The following ZDHHC14 variants were observed in gnomAD, a reference collection of about 807,000 sequenced individuals.
ZDHHC14 encodes the protein palmitoyltransferase ZDHHC14.
In ZDHHC14, 16 loss-of-function variants were observed where a neutral mutation model predicts 47.7. The ratio of observed to expected loss-of-function variants is 0.34; its 90% CI spans 0.23 to 0.51. ZDHHC14 has a LOEUF of 0.51. Among genes scored for constraint, ZDHHC14 ranks in the 20% least tolerant of loss-of-function variants. The probability of loss-of-function intolerance (pLI) is 0.97; values close to 1 mark genes in which losing one functional copy is unlikely to be tolerated. For synonymous variants in ZDHHC14, 293 were observed against 278.9 expected, an observed-to-expected ratio of 1.05 and a Z score of -0.50; for missense variants, 515 against 662.5, an observed-to-expected ratio of 0.78 and a Z score of 2.44.
At chr6:157,528,470 A>G (rs1218906147) in intron 1 of ZDHHC14, among the ~76,000 whole-genome samples, 2 of 151,742 alleles carry the variant, frequency 1.3e-5, no homozygotes, top group South Asian at 2.1e-4. Flanking sequence ...AGTGGCTCAC[A>G]CCTGTAATCC....
intron 7 of ZDHHC14, among the ~76,000 whole-genome samples, chr6:157,648,405 A>C (rs952841194): frequency 6.6e-6 from 1 of 152,210 alleles, no homozygotes; most frequent in African/African-American, 2.4e-5. Flanking sequence ...TATCAGCCTC[A>C]GTGAATCCTC....
chr6:157,607,574 A>G (rs1784590112), intron 3 of ZDHHC14, among the ~76,000 whole-genome samples: 1 of 152,116 alleles, frequency 6.6e-6, no homozygotes, highest in Non-Finnish European at 1.5e-5. Flanking sequence ...AGGATGTTTA[A>G]CCCTTTCATT....
At chr6:157,651,726 G>A (rs983861821) in intron 7 of ZDHHC14, among the ~76,000 whole-genome samples, 18 of 152,076 alleles carry the variant, frequency 1.2e-4, no homozygotes, top group African/African-American at 3.1e-4. Context: ...GTGCCATCAC[G>A]CCTGGCTAAT....
At position 157,672,783 on chromosome 6, in the gene ZDHHC14, C is replaced by T. The variant is rs933561853; in HGVS notation, c.1128C>T (p.Pro376=). The T allele has an allele frequency of 8.7e-6, 14 of 1,612,808 alleles. No homozygotes were observed. The highest frequency in any genetic ancestry group is 2.7e-5 in the African/African-American group (2 of 74,884). The change falls in exon 9 of 9, where the codon CCC becomes CCT. Residue 376 remains proline (P), a synonymous_variant. Coordinates refer to ENST00000359775, the MANE Select transcript of ZDHHC14 (RefSeq NM_024630.3). ...TCGTTTTGCAGGCTGCAGCCACGCC[C>T]CTGCTGCAGAGCGAGCCCAGCCTCA... ...TKFVLQAAAT[P]LLQSEPSLTS... is the part of the protein sequence containing the mutation.
At chr6:157,509,469 A>T (rs1017699662) in intron 1 of ZDHHC14, among the ~76,000 whole-genome samples, 1 of 152,190 alleles carries the variant, frequency 6.6e-6, no homozygotes, top group African/African-American at 2.4e-5. Context: ...GTCCCCATTT[A>T]AAAAATATGA....
At chr6:157,417,718 C>T (rs530919161) in intron 1 of ZDHHC14, among the ~76,000 whole-genome samples, 26 of 152,292 alleles carry the variant, frequency 1.7e-4, no homozygotes, top group African/African-American at 5.8e-4. Flanking sequence ...TGGTGGCTCA[C>T]GCCTGTAATC....
chr6:157,531,889 A>G (rs1781381762), intron 1 of ZDHHC14, among the ~76,000 whole-genome samples: 1 of 152,278 alleles, frequency 6.6e-6, no homozygotes, highest in South Asian at 2.1e-4. Flanking sequence ...TAGCGGTAAC[A>G]TCTGGACTTT....
At chr6:157,489,056 G>C (rs909648603) in intron 1 of ZDHHC14, among the ~76,000 whole-genome samples, 1 of 152,216 alleles carries the variant, frequency 6.6e-6, no homozygotes, top group Admixed American at 6.5e-5. Context: ...TTTTGTACCA[G>C]TAAACGGGCT....
chr6:157,550,880 C>G (rs1322558857), intron 2 of ZDHHC14, among the ~76,000 whole-genome samples: 1 of 152,152 alleles, frequency 6.6e-6, no homozygotes, highest in Non-Finnish European at 1.5e-5. Context: ...TTGACATGCT[C>G]TGCTAAAACA....
At position 157,460,504 on chromosome 6, in the gene ZDHHC14, A is replaced by AGGT. The variant is rs1779053590; in HGVS notation, c.245+78239_245+78241dup. ...CAAAGAGTGCTGTTGATACCCACAT[A>AGGT]GGTATTCTTGAATTCCTATGACAAG... On this transcript the variant is annotated intron_variant, in intron 1 of 8. Transcript: ENST00000359775. Among the ~76,000 whole-genome samples, 3 of 151,322 alleles carry AGGT rather than the reference A, an allele frequency of 2.0e-5. 1 individual carries two copies. The South Asian group carries it at 6.3e-4, about 32-fold the overall frequency.
intron 1 of ZDHHC14, among the ~76,000 whole-genome samples, chr6:157,533,764 G>C (rs1562466212): frequency 1.3e-5 from 2 of 152,226 alleles, no homozygotes; most frequent in African/African-American, 4.8e-5. Context: ...ATGGGCTCAG[G>C]AGGCTGCAAC....
At chr6:157,595,773 C>T (rs182763997) in intron 3 of ZDHHC14, among the ~76,000 whole-genome samples, 61 of 152,254 alleles carry the variant, frequency 4.0e-4, no homozygotes, top group South Asian at 3.7e-3. Flanking sequence ...CAGCCGTGAA[C>T]CTAGGAGCCA....
rs1044273066 is a variant in ZDHHC14 at position 157,678,046 on chromosome 6, A to G, written c.*4924A>G. On this transcript the variant is annotated 3_prime_UTR_variant, in exon 9 of 9. Coordinates refer to ENST00000359775, the MANE Select transcript of ZDHHC14 (RefSeq NM_024630.3). ...CATGTTTTCAGAGATACGTATGCTT[A>G]TTTAAGTGCCTTTCATGTTTTAATC... is the stretch of plus-strand genomic sequence containing the variant. The G allele has an allele frequency of 6.6e-6, 1 of 152,136 alleles. No individual in the cohort carries two copies. The highest frequency in any genetic ancestry group is 2.4e-5 in the African/African-American group (1 of 41,448). 9.4% of individuals were successfully genotyped at this position (152,136 alleles called of 1,614,324 possible).
chr6:157,488,622 T>C (rs1217147457), intron 1 of ZDHHC14, among the ~76,000 whole-genome samples: 1 of 152,128 alleles, frequency 6.6e-6, no homozygotes, highest in Non-Finnish European at 1.5e-5. Flanking sequence ...CAGAGGAGAA[T>C]TGCATTTTCC....
intron 2 of ZDHHC14, among the ~76,000 whole-genome samples, chr6:157,563,953 A>G (rs1475987604): frequency 6.6e-6 from 1 of 152,152 alleles, no homozygotes; most frequent in African/African-American, 2.4e-5. Context: ...CCTAAGGGGG[A>G]ACCCCTGTCT....
intron 1 of ZDHHC14, among the ~76,000 whole-genome samples, chr6:157,437,209 G>A (rs1778458493): frequency 6.6e-6 from 1 of 152,220 alleles, no homozygotes; most frequent in African/African-American, 2.4e-5. Flanking sequence ...TGGGCCTCCT[G>A]GTTCTCAGGT....
chr6:157,526,904 A>G (rs1187345759), intron 1 of ZDHHC14, among the ~76,000 whole-genome samples: 1 of 152,142 alleles, frequency 6.6e-6, no homozygotes, highest in African/African-American at 2.4e-5. Context: ...GAGAGGTTCT[A>G]GGGATGTGGG....
intron 3 of ZDHHC14, among the ~76,000 whole-genome samples, chr6:157,606,452 G>A (rs1054705304): frequency 3.9e-5 from 6 of 152,126 alleles, no homozygotes; most frequent in African/African-American, 1.2e-4. Context: ...GGGGACAAGA[G>A]CAAAACTCCA....
chr6:157,386,295 C>T (rs1222480008), intron 1 of ZDHHC14, among the ~76,000 whole-genome samples: 1 of 152,004 alleles, frequency 6.6e-6, no homozygotes, highest in Non-Finnish European at 1.5e-5. Flanking sequence ...TCACTTGAGC[C>T]CAAGAGTTCG....
Sources: allele counts gnomAD v4.1 joint callset (sites outside exome capture counted in the v4.1 genomes callset), GRCh38; gene constraint gnomAD v4.1.1; transcripts MANE v1.5; gene names NCBI Gene and HGNC (gene_info 2026-07-23, HGNC 2026-07-21).